The following DNMT3B variants were observed in gnomAD, a reference collection of about 807,000 sequenced individuals.
DNMT3B encodes the protein DNA methyltransferase 3 beta, also known as DNA (cytosine-5)-methyltransferase 3B.
In DNMT3B, 37 loss-of-function variants were observed where a neutral mutation model predicts 120.2. That is an observed-to-expected ratio of 0.31 (90% CI 0.24 to 0.40). The LOEUF (loss-of-function observed/expected upper bound fraction) is 0.40, where lower values mean the gene tolerates loss of function less well. DNMT3B is among the 10% of genes least tolerant of loss of function. The probability of loss-of-function intolerance (pLI) is 1.00; values close to 1 mark genes in which losing one functional copy is unlikely to be tolerated. For missense variants in DNMT3B, 878 were observed against 1,137.3 expected, an observed-to-expected ratio of 0.77 and a Z score of 3.28; for synonymous variants, 412 against 442.8, an observed-to-expected ratio of 0.93 and a Z score of 0.87.
rs150368389 is a variant in DNMT3B, at chr20:32,793,610, T to C, written c.1126+15T>C. On this transcript the variant is annotated intron_variant, in intron 10 of 22. Coordinates refer to ENST00000328111, the MANE Select transcript of DNMT3B (RefSeq NM_006892.4). ...AAGGAAATACGGTATTTCCTTCCTG[T>C]CTTTTGACTGTGCCCTGTTTTCTAT... 2.0e-4 allele frequency: 330 copies of C among 1,613,776 alleles called. 1 individual carries two copies. In the East Asian group the frequency reaches 4.0e-3, roughly 20 times the overall value.
chr20:32,782,220 G>A (rs1978710838), intron 3 of DNMT3B, among the ~76,000 whole-genome samples: 1 of 152,192 alleles, frequency 6.6e-6, no homozygotes, highest in Non-Finnish European at 1.5e-5. Context: ...TTTGTAGGTG[G>A]AAGACATGAA....
chr20:32,782,649 T>C (rs1014568663), intron 3 of DNMT3B, among the ~76,000 whole-genome samples: 1 of 152,216 alleles, frequency 6.6e-6, no homozygotes, highest in Non-Finnish European at 1.5e-5. Flanking sequence ...TAACAGTATA[T>C]TGTAATTGCT....
At chr20:32,775,906 GATA>G (rs1988045034) in intron 1 of DNMT3B, among the ~76,000 whole-genome samples, 1 of 152,208 alleles carries the variant, frequency 6.6e-6, no homozygotes, top group Non-Finnish European at 1.5e-5. Flanking sequence ...AAGGCAGGGG[GATA>G]ATAAGACCTG....
At chr20:32,796,972 A>C in intron 13 of DNMT3B, 103 bp downstream of exon 13, 2 of 1,613,656 alleles carry the variant, frequency 1.2e-6, no homozygotes, top group Non-Finnish European at 1.7e-6. Context: ...AAGCCCACTC[A>C]TCCCAGCTGC....
intron 22 of DNMT3B, among the ~76,000 whole-genome samples, chr20:32,807,300 C>T (rs1349294389): frequency 6.6e-6 from 1 of 152,102 alleles, no homozygotes; most frequent in Non-Finnish European, 1.5e-5. Context: ...TGCCATCTGC[C>T]TGGAGTCATC....
intron 4 of DNMT3B, 113 bp downstream of exon 4, chr20:32,784,972 G>A (rs1601086408): frequency 9.6e-7 from 1 of 1,039,718 alleles, no homozygotes. Context: ...AGAAAGTGAT[G>A]AAAAAATGTT....
chr20:32,805,302 A>G, intron 20 of DNMT3B, 36 bp from the exon 21 acceptor site: 2 of 1,613,872 alleles, frequency 1.2e-6, no homozygotes, highest in Non-Finnish European at 1.7e-6. Flanking sequence ...GACCCTCTAT[A>G]GCTAGTAAGA....
rs1424719380 is a variant in DNMT3B at position 32,808,970 on chromosome 20, TC to T, written c.*1068del. ...GAGATGACAGGGAAAACTGCAAAGC[TC>T]GGTGCTCCCTTTGGAGATTTTTTAA... On this transcript the variant is annotated 3_prime_UTR_variant, in exon 23 of 23. Transcript: ENST00000328111. 1 of 220,524 alleles carries T rather than the reference TC, an allele frequency of 4.5e-6. No homozygotes were observed. The highest frequency in any genetic ancestry group is 9.1e-6 in the Non-Finnish European group (1 of 110,036). 13.7% of individuals were successfully genotyped at this position (220,524 alleles called of 1,614,324 possible).
At chr20:32,804,498 T>TC (rs1981737094) in intron 20 of DNMT3B, among the ~76,000 whole-genome samples, 1 of 152,164 alleles carries the variant, frequency 6.6e-6, no homozygotes, top group Non-Finnish European at 1.5e-5. Flanking sequence ...TCTGAGTTGT[T>TC]TGGCCTTGAC....
At chr20:32,787,672 C>T (rs1306875607) in intron 6 of DNMT3B, among the ~76,000 whole-genome samples, 2 of 152,174 alleles carry the variant, frequency 1.3e-5, no homozygotes, top group Admixed American at 6.5e-5. Context: ...GTATTTACCA[C>T]GTGAATACTG....
Position 32,765,422 on chromosome 20 carries a change from C to CT in DNMT3B, c.-7+2726dup, listed in dbSNP as rs201623266. Among the ~76,000 whole-genome samples the CT allele has an allele frequency of 9.6e-3, 1,160 of 121,282 alleles. 43 individuals carry two copies. The highest frequency in any genetic ancestry group is 0.037 in the African/African-American group (1,051 of 28,218). The allele number at this position is 121,282 out of a possible 152,430, so 79.6% of individuals were successfully genotyped here. A position where few individuals can be genotyped will look rare whatever the true frequency, so the allele number is the denominator to read the frequency against. On this transcript the variant is annotated intron_variant, in intron 1 of 22. Transcript: ENST00000328111. ...GTGAGCATTTTCTTTCTCTTTTTTT[C>CT]TTTCTTTTTTTTTTTTTTGAGACAG...
At chr20:32,797,665 C>CTTT (rs34902104) in intron 14 of DNMT3B, among the ~76,000 whole-genome samples, 3 of 146,884 alleles carry the variant, frequency 2.0e-5, no homozygotes, top group East Asian at 2.0e-4. Flanking sequence ...GCTAGTTATT[C>CTTT]TTTTTTTTTT....
chr20:32,766,523 C>CACT (rs1160623689), intron 1 of DNMT3B, among the ~76,000 whole-genome samples: 1 of 152,142 alleles, frequency 6.6e-6, no homozygotes, highest in Non-Finnish European at 1.5e-5. Flanking sequence ...GGTCACTTTT[C>CACT]ACTCAGATTT....
At chr20:32,767,032 G>A (rs1012293656) in intron 1 of DNMT3B, among the ~76,000 whole-genome samples, 6 of 151,972 alleles carry the variant, frequency 3.9e-5, no homozygotes, top group Admixed American at 3.3e-4. Flanking sequence ...CTGGGACTAC[G>A]GGCGTGGTGG....
At chr20:32,794,389 GA>G (rs1004698324) in intron 10 of DNMT3B, among the ~76,000 whole-genome samples, 2 of 130,294 alleles carry the variant, frequency 1.5e-5, no homozygotes, top group South Asian at 2.6e-4. Context: ...AAAAAAGAAA[GA>G]AAAAAACGAG....
At chr20:32,769,658 C>G (rs987620193) in intron 1 of DNMT3B, among the ~76,000 whole-genome samples, 2 of 152,154 alleles carry the variant, frequency 1.3e-5, no homozygotes, top group Non-Finnish European at 2.9e-5. Flanking sequence ...ATCTGCAGGC[C>G]TTAATTTTGA....
intron 15 of DNMT3B, 33 bp from the exon 16 acceptor site, chr20:32,799,211 T>A: frequency 6.3e-7 from 1 of 1,597,242 alleles, no homozygotes; most frequent in Non-Finnish European, 8.5e-7. Context: ...GCCCTGTGCC[T>A]TCACCACCAT....
chr20:32,790,640 T>C (rs1979868619), intron 7 of DNMT3B, among the ~76,000 whole-genome samples: 1 of 152,168 alleles, frequency 6.6e-6, no homozygotes, highest in African/African-American at 2.4e-5. Context: ...GAGCACTCTT[T>C]ACGGAGACTA....
chr20:32,780,862 G>A (rs1296196367), intron 2 of DNMT3B, among the ~76,000 whole-genome samples: 13 of 152,172 alleles, frequency 8.5e-5, no homozygotes, highest in Non-Finnish European at 1.9e-4. Context: ...AGCAGCTCCA[G>A]CCAGCTCACT....
Sources: allele counts gnomAD v4.1 joint callset (sites outside exome capture counted in the v4.1 genomes callset), GRCh38; gene constraint gnomAD v4.1.1; transcripts MANE v1.5; gene names NCBI Gene and HGNC (gene_info 2026-07-23, HGNC 2026-07-21).